Variants in CCSER1 observed in about 807,000 individuals in gnomAD.
CCSER1 encodes the protein serine-rich coiled-coil domain-containing protein 1.
In CCSER1, 41 loss-of-function variants were observed where a neutral mutation model predicts 82.0. That is an observed-to-expected ratio of 0.50 (90% CI 0.39 to 0.65). CCSER1 has a LOEUF of 0.65. Ranked by LOEUF, CCSER1 falls within the 30% of genes least tolerant of loss-of-function variation. The pLI is 0.00. For synonymous variants in CCSER1, 414 were observed against 383.9 expected, an observed-to-expected ratio of 1.08 and a Z score of -0.92; for missense variants, 1,119 against 1,064.2, an observed-to-expected ratio of 1.05 and a Z score of -0.72.
intron 5 of CCSER1, among the ~76,000 whole-genome samples, chr4:90,569,976 A>G (rs1779911147): frequency 6.6e-6 from 1 of 152,208 alleles, no homozygotes; most frequent in Non-Finnish European, 1.5e-5. Flanking sequence ...TAGCCAGTGC[A>G]ATAACTGAGG....
intron 10 of CCSER1, among the ~76,000 whole-genome samples, chr4:91,109,853 A>T (rs1209048773): frequency 6.6e-6 from 1 of 152,166 alleles, no homozygotes; most frequent in Non-Finnish European, 1.5e-5. Flanking sequence ...AGGGTCATAA[A>T]ATAATTTATT....
chr4:91,551,811 G>T (rs997736689), intron 10 of CCSER1, among the ~76,000 whole-genome samples: 2 of 151,306 alleles, frequency 1.3e-5, no homozygotes, highest in Admixed American at 1.3e-4. Flanking sequence ...CACACAAAAG[G>T]TCACTTTTTT....
At chr4:91,161,392 T>C (rs1184704364) in intron 10 of CCSER1, among the ~76,000 whole-genome samples, 1 of 152,186 alleles carries the variant, frequency 6.6e-6, no homozygotes, top group Admixed American at 6.6e-5. Flanking sequence ...GTGGGCTCTT[T>C]TTTGGTTCCA....
intron 9 of CCSER1, among the ~76,000 whole-genome samples, chr4:90,942,823 A>T (rs1731750442): frequency 6.7e-6 from 1 of 150,250 alleles, no homozygotes; most frequent in African/African-American, 2.4e-5. Flanking sequence ...TCCCTCTAAG[A>T]TATAGTTTAG....
intron 10 of CCSER1, among the ~76,000 whole-genome samples, chr4:91,561,211 T>C (rs1299033360): frequency 6.6e-6 from 1 of 151,406 alleles, no homozygotes; most frequent in Non-Finnish European, 1.5e-5. Context: ...TGTACTGTAA[T>C]ATATCTAAAA....
chr4:90,387,202 T>G (rs774513221), intron 3 of CCSER1, among the ~76,000 whole-genome samples: 15 of 152,178 alleles, frequency 9.9e-5, no homozygotes, highest in Non-Finnish European at 2.2e-4. Flanking sequence ...AGTAAAATAT[T>G]TGTTTTTATT....
At chr4:90,239,376 G>A (rs563789616) in intron 1 of CCSER1, among the ~76,000 whole-genome samples, 17 of 152,120 alleles carry the variant, frequency 1.1e-4, no homozygotes, top group South Asian at 6.2e-4. Context: ...AGATCAGCAC[G>A]TTAATGTAAA....
Position 91,598,636 on chromosome 4 carries a change from C to T in CCSER1, c.2282C>T (p.Thr761Ile). ...LSTRDRKAIHTPTEDRFRYSA... is the reference protein window; with the variant it reads ...LSTRDRKAIHIPTEDRFRYSA... ...ACAAGGGACAGAAAAGCAATACATACTCCCACCGAGGACCGTTTTAGGTAT... is the reference window on the plus strand; with the variant it reads ...ACAAGGGACAGAAAAGCAATACATATTCCCACCGAGGACCGTTTTAGGTAT... Residue 761 changes from threonine (T) to isoleucine (I), a missense_variant, in exon 11 of 11, where the codon ACT becomes ATT. Thr to Ile is a moderately conservative substitution (Grantham distance 89). Coordinates refer to ENST00000509176, the MANE Select transcript of CCSER1 (RefSeq NM_001145065.2). The T allele has an allele frequency of 6.4e-7, 1 of 1,551,474 alleles. No homozygotes were observed.
intron 9 of CCSER1, among the ~76,000 whole-genome samples, chr4:90,944,647 G>A (rs1732017042): frequency 6.6e-6 from 1 of 152,156 alleles, no homozygotes; most frequent in Admixed American, 6.5e-5. Flanking sequence ...ATTTTCCAGA[G>A]TGCCATGCTC....
chr4:91,002,331 T>A (rs957823760), intron 9 of CCSER1, among the ~76,000 whole-genome samples: 2 of 152,240 alleles, frequency 1.3e-5, no homozygotes, highest in African/African-American at 4.8e-5. Context: ...TCCTTTATTA[T>A]TCCCCCAGAT....
chr4:91,453,466 T>C (rs916740253), intron 10 of CCSER1, among the ~76,000 whole-genome samples: 1 of 152,012 alleles, frequency 6.6e-6, no homozygotes, highest in Non-Finnish European at 1.5e-5. Flanking sequence ...CTGTTACAAA[T>C]GTTTACTTTT....
At chr4:91,186,483 C>T (rs116745307) in intron 10 of CCSER1, among the ~76,000 whole-genome samples, 1,641 of 152,182 alleles carry the variant, frequency 0.011, 18 homozygotes, top group South Asian at 0.033. Flanking sequence ...ATCCTTCGAC[C>T]TGGATTCGAG....
At chr4:91,461,623 G>A (rs1198116855) in intron 10 of CCSER1, among the ~76,000 whole-genome samples, 1 of 152,114 alleles carries the variant, frequency 6.6e-6, no homozygotes, top group African/African-American at 2.4e-5. Context: ...GGATTTCGGT[G>A]GAGCTCTTTA....
chr4:90,635,477 G>A (rs1469410630), intron 6 of CCSER1, among the ~76,000 whole-genome samples: 1 of 151,596 alleles, frequency 6.6e-6, no homozygotes, highest in African/African-American at 2.4e-5. Context: ...GACGAATTTA[G>A]AAAGCTGAAA....
intron 9 of CCSER1, among the ~76,000 whole-genome samples, chr4:91,055,779 TCTCCCTCCCTCC>T (rs931173249): frequency 1.5e-5 from 2 of 136,544 alleles, no homozygotes; most frequent in Non-Finnish European, 1.6e-5. Flanking sequence ...TCTATACCTC[TCTCCCTCCCTCC>T]CTCCCTCCCT....
chr4:91,095,094 G>C (rs1724369429), intron 10 of CCSER1, among the ~76,000 whole-genome samples: 1 of 152,108 alleles, frequency 6.6e-6, no homozygotes, highest in Non-Finnish European at 1.5e-5. Flanking sequence ...TGAGTGTCCG[G>C]CACCAGTATC....
intron 9 of CCSER1, among the ~76,000 whole-genome samples, chr4:90,932,133 T>G (rs1444049286): frequency 6.6e-6 from 1 of 152,198 alleles, no homozygotes; most frequent in Admixed American, 6.5e-5. Context: ...ATTTTACTCT[T>G]TTTTCATGCC....
chr4:90,616,663 C>G (rs1053420182), intron 5 of CCSER1, among the ~76,000 whole-genome samples: 2 of 146,896 alleles, frequency 1.4e-5, no homozygotes, highest in Non-Finnish European at 3.0e-5. Context: ...CCAGCCTGGG[C>G]CACAGAGTGT....
chr4:90,533,084 GTTTTTT>G (rs59215370), intron 5 of CCSER1, among the ~76,000 whole-genome samples: 2 of 89,016 alleles, frequency 2.2e-5, no homozygotes, highest in South Asian at 4.2e-4. Context: ...ATTTCTGTGG[GTTTTTT>G]TTTTTTTTTT....
Sources: allele counts gnomAD v4.1 joint callset (sites outside exome capture counted in the v4.1 genomes callset), GRCh38; gene constraint gnomAD v4.1.1; transcripts MANE v1.5; gene names NCBI Gene and HGNC (gene_info 2026-07-23, HGNC 2026-07-21).